The following IPP variants were observed in gnomAD, a reference collection of about 807,000 sequenced individuals.
IPP encodes the protein intracisternal A particle-promoted polypeptide.
IPP carries 41 observed loss-of-function variants against 64.1 expected under a neutral mutation model. That is an observed-to-expected ratio of 0.64 (90% CI 0.50 to 0.83). The LOEUF is 0.83. Among genes scored for constraint, IPP ranks in the 40% least tolerant of loss-of-function variants. IPP has a pLI of 0.00. For missense variants in IPP, 649 were observed against 703.0 expected (o/e 0.92, Z 0.87); for synonymous variants, 214 against 235.2 (o/e 0.91, Z 0.83).
At chr1:45,744,133 G>C (rs1045012821) in intron 2 of IPP, among the ~76,000 whole-genome samples, 3 of 151,954 alleles carry the variant, frequency 2.0e-5, no homozygotes, top group Non-Finnish European at 4.4e-5. Flanking sequence ...TAACACTGTA[G>C]TGTCTTTCTT....
At chr1:45,697,843 A>T (rs956243800), downstream of IPP, 2 of 151,820 alleles carry the variant, frequency 1.3e-5, no homozygotes, top group African/African-American at 4.9e-5. Context: ...CTGTAATCCC[A>T]GTTACTCGGG....
chr1:45,719,006 T>C (rs910742972), intron 6 of IPP, among the ~76,000 whole-genome samples, 197 bp downstream of exon 6: 14 of 151,950 alleles, frequency 9.2e-5, no homozygotes, highest in Admixed American at 6.6e-4. Context: ...TAGAAGAGTA[T>C]AACTGGATTG....
At chr1:45,707,377 C>T (rs974986606) in intron 8 of IPP, among the ~76,000 whole-genome samples, 10 of 143,752 alleles carry the variant, frequency 7.0e-5, no homozygotes, top group South Asian at 2.2e-4. Context: ...GAGCCAAGAT[C>T]GCGCCACTGC....
At position 45,709,626 on chromosome 1, in the gene IPP, C is replaced by T. The variant is rs1569961035; in HGVS notation, c.1530+4620G>A. On this transcript the variant is annotated intron_variant, in intron 8 of 8. Transcript: ENST00000396478. ...TTGGGAGGCTGAGGAGGGCAGATCA[C>T]GAGGTCAGGAGATCATGATGGAACC... Among the ~76,000 whole-genome samples, 3 of 148,614 alleles carry T rather than the reference C, an allele frequency of 2.0e-5. No individual in the cohort carries two copies. In the East Asian group the frequency reaches 6.2e-4, roughly 31 times the overall value.
chr1:45,719,368 A>C, intron 5 of IPP, 28 bp from the exon 6 acceptor site: 1 of 1,499,214 alleles, frequency 6.7e-7, no homozygotes, highest in East Asian at 2.3e-5. Flanking sequence ...GACAAATATT[A>C]TAAAGTTTAG....
Position 45,699,850 on chromosome 1 carries a change from A to G in IPP, c.*116T>C. On this transcript the variant is annotated 3_prime_UTR_variant, in exon 9 of 9. Coordinates refer to ENST00000396478, the MANE Select transcript of IPP (RefSeq NM_005897.3). ...AGCCTCGTTAGTCATTTATCTACCA[A>G]ATACATGGAAAACTCACAGAATCAG... 6.7e-7 allele frequency: 1 copy of G among 1,501,768 alleles called. No homozygotes were observed. The highest frequency in any genetic ancestry group is 8.9e-7 in the Non-Finnish European group (1 of 1,129,444). The allele number at this position is 1,501,768 out of a possible 1,614,324, so 93.0% of individuals were successfully genotyped here.
chr1:45,740,148 T>G (rs368086132), intron 3 of IPP, among the ~76,000 whole-genome samples: 2 of 152,208 alleles, frequency 1.3e-5, no homozygotes, highest in East Asian at 1.9e-4. Flanking sequence ...GGTAAGGTCA[T>G]AGATCAACAG....
chr1:45,715,216 T>A (rs1344859353), intron 7 of IPP, among the ~76,000 whole-genome samples: 1 of 147,798 alleles, frequency 6.8e-6, no homozygotes, highest in Non-Finnish European at 1.5e-5. Flanking sequence ...AAAAAAAAAA[T>A]TACTACGGTA....
rs185884651 is a variant in IPP at position 45,699,820 on chromosome 1, C to A, written c.*146G>T. The A allele has an allele frequency of 2.7e-5, 39 of 1,447,056 alleles. No individual in the cohort carries two copies. In the East Asian group the frequency reaches 8.7e-4, roughly 32 times the overall value. 89.6% of individuals were successfully genotyped at this position (1,447,056 alleles called of 1,614,324 possible). A position where few individuals can be genotyped will look rare whatever the true frequency, so the allele number is the denominator to read the frequency against. On this transcript the variant is annotated 3_prime_UTR_variant, in exon 9 of 9. Coordinates refer to ENST00000396478, the MANE Select transcript of IPP (RefSeq NM_005897.3). ...TGGGATTATAGGCATGAGGCCACTG[C>A]GCCCAGCCTCGTTAGTCATTTATCT...
rs1020050036 is a variant in IPP at position 45,741,819 on chromosome 1, G to C, written c.293-487C>G. On this transcript the variant is annotated intron_variant, in intron 2 of 8. Transcript: ENST00000396478. ...AATTTTTTGTATTTTTAGTAGAGAC[G>C]GGGTTTCACCGTGTTAGCCAAGATG... Among the ~76,000 whole-genome samples the C allele has an allele frequency of 2.1e-5, 2 of 93,920 alleles. 1 individual carries two copies. The highest frequency in any genetic ancestry group is 4.8e-5 in the Non-Finnish European group (2 of 41,826). The allele number at this position is 93,920 out of a possible 152,430, so 61.6% of individuals were successfully genotyped here.
At chr1:45,742,594 C>T (rs1273405701) in intron 2 of IPP, among the ~76,000 whole-genome samples, 2 of 152,110 alleles carry the variant, frequency 1.3e-5, no homozygotes, top group African/African-American at 4.8e-5. Flanking sequence ...AGTGCAGTGG[C>T]GCAATCTTGG....
At chr1:45,695,731 G>A (rs577824595), downstream of IPP, among the ~76,000 whole-genome samples, 5 of 151,824 alleles carry the variant, frequency 3.3e-5, no homozygotes, top group South Asian at 2.1e-4. Flanking sequence ...GTGCAATGGC[G>A]CTATCTCGGC....
intron 3 of IPP, among the ~76,000 whole-genome samples, chr1:45,734,464 G>A (rs1645951056): frequency 6.6e-6 from 1 of 151,294 alleles, no homozygotes; most frequent in Non-Finnish European, 1.5e-5. Context: ...TGAGACAAGA[G>A]TCTTGCTCTG....
intron 5 of IPP, among the ~76,000 whole-genome samples, chr1:45,724,119 TTGCAGGCGC>T (rs1467323608): frequency 1.3e-5 from 2 of 149,056 alleles, no homozygotes; most frequent in Non-Finnish European, 3.0e-5. Context: ...GCGCCTGCAA[TTGCAGGCGC>T]GCGCCGCCAC....
chr1:45,711,264 C>T (rs1266969469), intron 8 of IPP, among the ~76,000 whole-genome samples: 1 of 151,794 alleles, frequency 6.6e-6, no homozygotes, highest in Non-Finnish European at 1.5e-5. Context: ...TTGCTTGAAC[C>T]TGGGAGGCGG....
At chr1:45,744,673 T>A (rs569416650) in intron 2 of IPP, among the ~76,000 whole-genome samples, 1 of 151,950 alleles carries the variant, frequency 6.6e-6, no homozygotes, top group Non-Finnish European at 1.5e-5. Flanking sequence ...ACCCCGTCTA[T>A]ACTAAAAATA....
In IPP at chr1:45,719,804, C is replaced by T. The variant is rs540558560; in HGVS notation, c.1049-464G>A. Among the ~76,000 whole-genome samples, 27 of 151,066 alleles carry T rather than the reference C, an allele frequency of 1.8e-4. No homozygotes were observed. The South Asian group carries it at 5.7e-3, about 32-fold the overall frequency. ...GCAGTGGCACAATCTCGGCTCACTG[C>T]AAGCTCCGCCTCCTGGGTTCATGAC... On this transcript the variant is annotated intron_variant, in intron 5 of 8. Transcript: ENST00000396478.
intron 8 of IPP, among the ~76,000 whole-genome samples, chr1:45,709,761 A>T: frequency 1.6e-5 from 1 of 63,900 alleles, no homozygotes; most frequent in African/African-American, 6.4e-5. Flanking sequence ...CGGGAGGCGG[A>T]GGTTGCAGTG....
intron 3 of IPP, among the ~76,000 whole-genome samples, chr1:45,736,661 C>A (rs1476717502): frequency 6.6e-6 from 1 of 152,024 alleles, no homozygotes; most frequent in African/African-American, 2.4e-5. Flanking sequence ...TAGATGATAA[C>A]TACTGGGCAT....
Sources: allele counts gnomAD v4.1 joint callset (sites outside exome capture counted in the v4.1 genomes callset), GRCh38; gene constraint gnomAD v4.1.1; transcripts MANE v1.5; gene names NCBI Gene and HGNC (gene_info 2026-07-23, HGNC 2026-07-21).